Variants in ROS1 observed in about 807,000 individuals in gnomAD.
ROS1 encodes the protein ROS proto-oncogene 1, receptor tyrosine kinase.
ROS1 carries 263 observed loss-of-function variants against 273.5 expected under a neutral mutation model. That is an observed-to-expected ratio of 0.96 (90% CI 0.87 to 1.06). The LOEUF (loss-of-function observed/expected upper bound fraction) is 1.06. Among genes scored for constraint, ROS1 ranks in the 50% least tolerant of loss-of-function variants. ROS1 has a pLI of 0.00. For synonymous variants in ROS1, 1,008 were observed against 954.1 expected (o/e 1.06, Z -1.04); for missense variants, 2,833 against 2,751.1 (o/e 1.03, Z -0.67).
chr6:117,361,341 G>C (rs1003707027), intron 22 of ROS1, among the ~76,000 whole-genome samples: 2 of 151,012 alleles, frequency 1.3e-5, no homozygotes, highest in African/African-American at 2.4e-5. Context: ...ACAAAACATT[G>C]TATTATTTTT....
chr6:117,370,651 T>C lies in ROS1; in HGVS notation c.2583-4361A>G, dbSNP rs985914827. On this transcript the variant is annotated intron_variant, in intron 18 of 43. Transcript: ENST00000368507. ...AGTAGGATGGTAAAAATTAAACATA[T>C]ATAAAGTTTTAAATCATTTATGAAG... Among the ~76,000 whole-genome samples, 44 of 152,308 alleles carry C rather than the reference T, an allele frequency of 2.9e-4. 1 individual carries two copies. Among genetic ancestry groups the C allele is most frequent in the African/African-American group, 1.0e-3 (43 of 41,568 alleles).
chr6:117,341,006 G>T, intron 31 of ROS1, 129 bp downstream of exon 31: 1 of 635,356 alleles, frequency 1.6e-6, no homozygotes, highest in Non-Finnish European at 2.6e-6. Flanking sequence ...GCTTCTGCAT[G>T]CCAAACATAA....
Position 117,288,807 on chromosome 6 carries a change from G to C in ROS1, c.6716-5C>G, listed in dbSNP as rs1773617977. ...AAATCACATCGCCATCTTCACCTGT[G>C]AAAAAAATATGAATGTTATTCTAGC... On this transcript the variant is annotated splice_region_variant and splice_polypyrimidine_tract_variant and intron_variant, in intron 43 of 43. Coordinates refer to ENST00000368507, the MANE Select transcript of ROS1 (RefSeq NM_001378902.1). 6.4e-7 allele frequency: 1 copy of C among 1,572,876 alleles called. No homozygotes were observed. The highest frequency in any genetic ancestry group is 8.6e-7 in the Non-Finnish European group (1 of 1,162,578).
At chr6:117,293,461 A>T (rs1188233200) in intron 43 of ROS1, among the ~76,000 whole-genome samples, 1 of 152,198 alleles carries the variant, frequency 6.6e-6, no homozygotes, top group Non-Finnish European at 1.5e-5. Flanking sequence ...ATGCACATAC[A>T]ATATCTGCAA....
intron 7 of ROS1, among the ~76,000 whole-genome samples, chr6:117,399,259 G>A (rs1211988504): frequency 2.0e-5 from 3 of 152,216 alleles, no homozygotes; most frequent in African/African-American, 7.2e-5. Flanking sequence ...TCCCTGCACG[G>A]TATTTCTGTA....
Position 117,337,152 on chromosome 6 carries a change from TTGAG to T in ROS1, c.5230+16_5230+19del, listed in dbSNP as rs746433329. The T allele has an allele frequency of 3.8e-6, 6 of 1,585,028 alleles. No homozygotes were observed. The highest frequency in any genetic ancestry group is 5.2e-6 in the Non-Finnish European group (6 of 1,162,744). On this transcript the variant is annotated intron_variant, in intron 32 of 43. Transcript: ENST00000368507. ...ACTGAAACACAGAGTTTTCTGAGTA[TTGAG>T]TATGTTAGTACTCACCTTTTGTCTT... is the stretch of plus-strand genomic sequence containing the variant.
chr6:117,360,040 T>C, intron 23 of ROS1, 29 bp from the exon 24 acceptor site: 10 of 1,570,882 alleles, frequency 6.4e-6, no homozygotes, highest in Non-Finnish European at 8.7e-6. Context: ...GTAGATAATA[T>C]GCATGAGAAA....
rs754263972 is a variant in ROS1, at chr6:117,387,851, G to A, written c.1928C>T (p.Ser643Phe). 7.7e-5 allele frequency: 124 copies of A among 1,614,072 alleles called. No homozygotes were observed. Among genetic ancestry groups the A allele is most frequent in the Non-Finnish European group, 1.0e-4 (123 of 1,180,028 alleles). ...CCTCTTTGGAGAACTTGCTCTCACA[G>A]AAACCTTGTATTTCATAGCACTCTG... ...ELQSAMKYKV[S>F]VRASSPKRPG... is the part of the protein sequence containing the mutation. The change falls in exon 14 of 44, where the codon TCT becomes TTT. Residue 643 changes from serine (S) to phenylalanine (F), a missense_variant. By Grantham distance (155) the Ser-to-Phe change is radical. Coordinates refer to ENST00000368507, the MANE Select transcript of ROS1 (RefSeq NM_001378902.1).
intron 40 of ROS1, among the ~76,000 whole-genome samples, chr6:117,310,510 A>T (rs1184013932): frequency 1.3e-5 from 2 of 151,862 alleles, no homozygotes; most frequent in Non-Finnish European, 2.9e-5. Flanking sequence ...CCCTGCCTGC[A>T]TTAGGTATTT....
At chr6:117,425,072 AAAT>A (rs1164926744) in intron 1 of ROS1, among the ~76,000 whole-genome samples, 23 of 152,226 alleles carry the variant, frequency 1.5e-4, no homozygotes, top group African/African-American at 5.5e-4. Flanking sequence ...AGAAATGTAC[AAAT>A]AATTATTGCT....
chr6:117,420,575 TATA>T (rs1198884505), intron 1 of ROS1, among the ~76,000 whole-genome samples: 2 of 149,352 alleles, frequency 1.3e-5, no homozygotes, highest in Middle Eastern at 3.6e-3. Flanking sequence ...AAACTTAAAG[TATA>T]ATAATAATAA....
In ROS1 at chr6:117,353,642, A is replaced by G. The variant is rs549574287; in HGVS notation, c.4127-476T>C. Among the ~76,000 whole-genome samples, 3 of 152,270 alleles carry G rather than the reference A, an allele frequency of 2.0e-5. No homozygotes were observed. The East Asian group carries it at 5.8e-4, about 29-fold the overall frequency. On this transcript the variant is annotated intron_variant, in intron 26 of 43. Coordinates refer to ENST00000368507, the MANE Select transcript of ROS1 (RefSeq NM_001378902.1). ...ATAATAAATGATTATCACCATCACT[A>G]GCAGGTTCAGTTACAGCCTTGAAAT...
intron 36 of ROS1, 134 bp from the exon 37 acceptor site, chr6:117,320,164 A>T (rs2128559652): frequency 1.3e-6 from 1 of 753,274 alleles, no homozygotes. Context: ...GTTTTATGTG[A>T]CACGGTGATG....
chr6:117,322,969 C>T (rs575006), intron 35 of ROS1, among the ~76,000 whole-genome samples: 14,401 of 152,122 alleles, frequency 0.095, 873 homozygotes, highest in Middle Eastern at 0.14. Context: ...TGGTGATGTA[C>T]AAGAAAGCAA....
rs534222368 is a variant in ROS1, at chr6:117,359,805, A to T, written c.3633+4T>A. The T allele has an allele frequency of 6.2e-7, 1 of 1,611,314 alleles. No individual in the cohort carries two copies. Among genetic ancestry groups the T allele is most frequent in the South Asian group, 1.1e-5 (1 of 90,916 alleles). On this transcript the variant is annotated splice_donor_region_variant and intron_variant, in intron 24 of 43. Coordinates refer to ENST00000368507, the MANE Select transcript of ROS1 (RefSeq NM_001378902.1). ...TATTTCGGAAGAATTACATAGTGAAATACCTCAGAGCTAGAGCGATTGTGC... is the reference window on the plus strand; with the variant it reads ...TATTTCGGAAGAATTACATAGTGAATTACCTCAGAGCTAGAGCGATTGTGC...
intron 27 of ROS1, among the ~76,000 whole-genome samples, chr6:117,344,672 A>G (rs1194945599): frequency 6.6e-6 from 1 of 152,146 alleles, no homozygotes; most frequent in Admixed American, 6.5e-5. Context: ...ACCCTCCCCC[A>G]ACCCAGGAGG....
intron 22 of ROS1, among the ~76,000 whole-genome samples, chr6:117,360,855 C>A (rs1460102148): frequency 6.6e-6 from 1 of 151,950 alleles, no homozygotes; most frequent in Non-Finnish European, 1.5e-5. Flanking sequence ...GAACATTTAA[C>A]AGAAATAAAA....
At chr6:117,383,219 G>T in intron 17 of ROS1, 98 bp downstream of exon 17, 1 of 881,302 alleles carries the variant, frequency 1.1e-6, no homozygotes. Flanking sequence ...TTTCCTTTAG[G>T]AGTCTGCTTT....
intron 4 of ROS1, among the ~76,000 whole-genome samples, chr6:117,412,794 G>C (rs1055813136): frequency 6.6e-6 from 1 of 152,204 alleles, no homozygotes; most frequent in Non-Finnish European, 1.5e-5. Context: ...GCAGCATAAT[G>C]ATTAACAAAG....
Sources: allele counts gnomAD v4.1 joint callset (sites outside exome capture counted in the v4.1 genomes callset), GRCh38; gene constraint gnomAD v4.1.1; transcripts MANE v1.5; gene names NCBI Gene and HGNC (gene_info 2026-07-23, HGNC 2026-07-21).